Variants in DIAPH2 observed in about 807,000 individuals in gnomAD.
DIAPH2 encodes protein diaphanous homolog 2.
DIAPH2 carries 35 observed loss-of-function variants against 92.7 expected under a neutral mutation model. That is an observed-to-expected ratio of 0.38 (90% CI 0.29 to 0.50). DIAPH2 has a LOEUF of 0.50. DIAPH2 is among the 20% of genes least tolerant of loss of function. The pLI is 0.94. For missense variants in DIAPH2, 701 were observed against 819.5 expected, an observed-to-expected ratio of 0.86 and a Z score of 1.77; for synonymous variants, 301 against 280.4, an observed-to-expected ratio of 1.07 and a Z score of -0.73.
intron 23 of DIAPH2, among the ~76,000 whole-genome samples, chrX:97,312,908 G>T (rs1269396988): frequency 2.7e-5 from 3 of 110,561 alleles, no homozygotes; most frequent in African/African-American, 9.9e-5. Context: ...GCTGGGCGCG[G>T]TGGCTCACAC....
At chrX:97,011,431 A>G (rs2066224899) in intron 17 of DIAPH2, among the ~76,000 whole-genome samples, 1 of 112,071 alleles carries the variant, frequency 8.9e-6, no homozygotes, top group Non-Finnish European at 1.9e-5. Context: ...TCACAGTCCA[A>G]TTAGAGAAAC....
intron 4 of DIAPH2, among the ~76,000 whole-genome samples, chrX:96,770,801 A>G (rs1317299187): frequency 1.8e-5 from 2 of 112,367 alleles, no homozygotes; most frequent in Admixed American, 1.9e-4. Flanking sequence ...ATGGTATATT[A>G]TAAGTGATCT....
At chrX:97,455,305 T>C (rs1377737055) in intron 26 of DIAPH2, among the ~76,000 whole-genome samples, 1 of 112,240 alleles carries the variant, frequency 8.9e-6, no homozygotes, top group Non-Finnish European at 1.9e-5. Flanking sequence ...TCCATAGCTA[T>C]TTGTTGAGGC....
At chrX:96,696,278 C>T (rs2063825034) in intron 1 of DIAPH2, among the ~76,000 whole-genome samples, 2 of 111,664 alleles carry the variant, frequency 1.8e-5, no homozygotes, top group South Asian at 7.5e-4. Context: ...AAAAAAGATC[C>T]TGTAGAGATA....
intron 26 of DIAPH2, among the ~76,000 whole-genome samples, chrX:97,538,764 C>T (rs953855099): frequency 1.8e-5 from 2 of 111,817 alleles, no homozygotes; most frequent in Admixed American, 1.9e-4. Flanking sequence ...CTGTGCTAGC[C>T]AGAAACTCCC....
chrX:97,402,207 CGTGTGT>C (rs10695870), intron 25 of DIAPH2, among the ~76,000 whole-genome samples: 7 of 99,840 alleles, frequency 7.0e-5, no homozygotes, highest in African/African-American at 1.8e-4. Context: ...TCATTTGCAT[CGTGTGT>C]GTGTGTGTGT....
At chrX:96,704,221 A>C (rs2063870938) in intron 1 of DIAPH2, among the ~76,000 whole-genome samples, 1 of 112,399 alleles carries the variant, frequency 8.9e-6, no homozygotes, top group African/African-American at 3.2e-5. Context: ...TTAGGACATG[A>C]ATCATCTTTT....
At chrX:97,077,187 G>A (rs2066710979) in intron 19 of DIAPH2, among the ~76,000 whole-genome samples, 2 of 111,465 alleles carry the variant, frequency 1.8e-5, no homozygotes, top group Non-Finnish European at 3.8e-5. Flanking sequence ...TTCTGGTAAG[G>A]AGGATGGATG....
At chrX:97,347,542 T>A (rs928706384) in intron 23 of DIAPH2, among the ~76,000 whole-genome samples, 7 of 111,576 alleles carry the variant, frequency 6.3e-5, no homozygotes, top group Middle Eastern at 4.2e-3. Context: ...TATGCCTATA[T>A]GCTTTCATTT....
At chrX:97,129,146 C>CTTTTT (rs113199689) in intron 21 of DIAPH2, among the ~76,000 whole-genome samples, 5 of 36,550 alleles carry the variant, frequency 1.4e-4, no homozygotes, top group African/African-American at 1.7e-4. Context: ...CTTTTCTTTT[C>CTTTTT]TTTCTTTTCT....
At chrX:97,589,065 C>T (rs190341811) in intron 26 of DIAPH2, among the ~76,000 whole-genome samples, 3 of 83,060 alleles carry the variant, frequency 3.6e-5, no homozygotes, top group African/African-American at 1.3e-4. Context: ...TGCCTGTAAT[C>T]CTAGCACTTT....
chrX:96,820,957 G>C (rs188171587), intron 4 of DIAPH2, among the ~76,000 whole-genome samples: 1 of 112,209 alleles, frequency 8.9e-6, no homozygotes, highest in African/African-American at 3.2e-5. Flanking sequence ...TGAAGATCAG[G>C]AGGAAGACCT....
intron 21 of DIAPH2, among the ~76,000 whole-genome samples, chrX:97,140,968 AG>A (rs1320068247): frequency 8.9e-6 from 1 of 111,758 alleles, no homozygotes; most frequent in Non-Finnish European, 1.9e-5. Context: ...TTTGCAGCTT[AG>A]TCTAGTATGA....
At chrX:97,302,532 C>CAAAAAAT (rs2068715875) in intron 23 of DIAPH2, among the ~76,000 whole-genome samples, 1 of 108,889 alleles carries the variant, frequency 9.2e-6, no homozygotes, top group Non-Finnish European at 1.9e-5. Flanking sequence ...ACTCTATCTC[C>CAAAAAAT]AAAAAATAAA....
At chrX:96,728,805 T>G (rs2064037359) in intron 1 of DIAPH2, among the ~76,000 whole-genome samples, 1 of 112,927 alleles carries the variant, frequency 8.9e-6, no homozygotes. Context: ...TTATTCATAG[T>G]CTAAGAAAGA....
chrX:97,076,269 C>T (rs1390015515), intron 19 of DIAPH2, among the ~76,000 whole-genome samples: 1 of 112,098 alleles, frequency 8.9e-6, no homozygotes, highest in Non-Finnish European at 1.9e-5. Context: ...TGGTGACTCA[C>T]GCCTGTAATC....
intron 22 of DIAPH2, among the ~76,000 whole-genome samples, chrX:97,220,106 T>C (rs1303019314): frequency 8.9e-6 from 1 of 111,736 alleles, no homozygotes; most frequent in Non-Finnish European, 1.9e-5. Context: ...ATTGCCAAGC[T>C]GCATTTGTTA....
At chrX:97,425,029 T>G (rs2070048353) in intron 25 of DIAPH2, among the ~76,000 whole-genome samples, 1 of 112,676 alleles carries the variant, frequency 8.9e-6, no homozygotes, top group Admixed American at 9.4e-5. Flanking sequence ...GTTATACATT[T>G]TTATGTTTGC....
intron 17 of DIAPH2, among the ~76,000 whole-genome samples, chrX:96,998,546 A>G (rs2066120526): frequency 1.8e-5 from 2 of 112,001 alleles, no homozygotes; most frequent in African/African-American, 6.5e-5. Flanking sequence ...ACGTTTTTTA[A>G]TTGTCTTTGA....
Sources: allele counts gnomAD v4.1 joint callset (sites outside exome capture counted in the v4.1 genomes callset), GRCh38; gene constraint gnomAD v4.1.1; transcripts MANE v1.5; gene names NCBI Gene and HGNC (gene_info 2026-07-23, HGNC 2026-07-21).